TMEM108: variants seen among roughly 807,000 people sequenced by gnomAD.
TMEM108 encodes the protein cancer/testis antigen 124.
TMEM108 carries 12 observed loss-of-function variants against 35.1 expected under a neutral mutation model. The observed-to-expected ratio is 0.34, with a 90% confidence interval of 0.22 to 0.55. The LOEUF (loss-of-function observed/expected upper bound fraction) is 0.55. TMEM108 is among the 20% of genes least tolerant of loss of function. TMEM108 has a pLI of 0.89. For missense variants in TMEM108, 680 were observed against 753.3 expected, an observed-to-expected ratio of 0.90 and a Z score of 1.14; for synonymous variants, 287 against 308.6, an observed-to-expected ratio of 0.93 and a Z score of 0.73.
At chr3:133,250,968 C>G (rs1946460508) in intron 3 of TMEM108, among the ~76,000 whole-genome samples, 1 of 152,138 alleles carries the variant, frequency 6.6e-6, no homozygotes, top group Non-Finnish European at 1.5e-5. Context: ...AGCATGTTAT[C>G]AAGACAAGAA....
intron 2 of TMEM108, among the ~76,000 whole-genome samples, chr3:133,105,357 C>G (rs1197067004): frequency 6.6e-6 from 1 of 152,122 alleles, no homozygotes; most frequent in African/African-American, 2.4e-5. Context: ...TGGGTTGAGT[C>G]CTTCTCATGG....
At chr3:133,236,704 C>G (rs1271686823) in intron 3 of TMEM108, among the ~76,000 whole-genome samples, 1 of 152,102 alleles carries the variant, frequency 6.6e-6, no homozygotes, top group Non-Finnish European at 1.5e-5. Context: ...TACCAGCTAC[C>G]CAGTGACTAT....
At chr3:133,111,206 G>A (rs1177559968) in intron 2 of TMEM108, among the ~76,000 whole-genome samples, 4 of 152,254 alleles carry the variant, frequency 2.6e-5, no homozygotes, top group Non-Finnish European at 5.9e-5. Flanking sequence ...GTCTCCTATT[G>A]CCTTAGGAAC....
intron 2 of TMEM108, among the ~76,000 whole-genome samples, chr3:133,224,908 C>G (rs1946046371): frequency 6.6e-6 from 1 of 152,096 alleles, no homozygotes; most frequent in Non-Finnish European, 1.5e-5. Context: ...TCCTTAGGTC[C>G]CACCTGCTAC....
At chr3:133,372,891 A>G (rs750626500) in intron 3 of TMEM108, among the ~76,000 whole-genome samples, 7 of 152,242 alleles carry the variant, frequency 4.6e-5, no homozygotes, top group Non-Finnish European at 1.0e-4. Flanking sequence ...GTGAAGTCAC[A>G]GGCATGGATT....
chr3:133,361,140 T>G (rs2072336386), intron 3 of TMEM108, among the ~76,000 whole-genome samples: 1 of 152,210 alleles, frequency 6.6e-6, no homozygotes, highest in South Asian at 2.1e-4. Flanking sequence ...CTTGCAATCA[T>G]TTCTGCTTAT....
rs189007698 is a variant in TMEM108 at position 133,101,283 on chromosome 3, C to T, written c.-47+55263C>T. On this transcript the variant is annotated intron_variant, in intron 2 of 5. Coordinates refer to ENST00000321871, the MANE Select transcript of TMEM108 (RefSeq NM_023943.4). ...CTTGCCCAGTGCTGTGTGTATCAGG[C>T]GTTTTACTCTACAAATGATGTTCCC... Among the ~76,000 whole-genome samples the T allele has an allele frequency of 5.6e-4, 85 of 152,278 alleles. 1 individual carries two copies. The highest frequency in any genetic ancestry group is 5.0e-3 in the South Asian group (24 of 4,818).
chr3:133,381,739 C>T (rs2073018994), intron 4 of TMEM108, among the ~76,000 whole-genome samples: 1 of 148,694 alleles, frequency 6.7e-6, no homozygotes, highest in Non-Finnish European at 1.5e-5. Flanking sequence ...TCTCTCTTCT[C>T]CTAAGAAAGA....
chr3:133,220,236 G>A (rs1169010861), intron 2 of TMEM108, among the ~76,000 whole-genome samples: 2 of 151,786 alleles, frequency 1.3e-5, no homozygotes, highest in African/African-American at 4.8e-5. Context: ...TGAGTCTCTT[G>A]TAGGCAGTAT....
chr3:133,262,638 T>C (rs932425803), intron 3 of TMEM108, among the ~76,000 whole-genome samples: 6 of 152,234 alleles, frequency 3.9e-5, no homozygotes, highest in African/African-American at 1.4e-4. Flanking sequence ...GGCTACTAAC[T>C]GTCATTAGAG....
intron 2 of TMEM108, among the ~76,000 whole-genome samples, chr3:133,188,282 A>G (rs1945450897): frequency 6.6e-6 from 1 of 152,180 alleles, no homozygotes; most frequent in African/African-American, 2.4e-5. Flanking sequence ...TCCTCATATA[A>G]ATGATGAATG....
intron 2 of TMEM108, among the ~76,000 whole-genome samples, chr3:133,227,287 G>A (rs1946087588): frequency 6.8e-6 from 1 of 148,044 alleles, no homozygotes; most frequent in Non-Finnish European, 1.5e-5. Flanking sequence ...CCGCCCCCTG[G>A]GGTTCACGCC....
At chr3:133,040,405 A>G (rs1943261243) in intron 1 of TMEM108, among the ~76,000 whole-genome samples, 1 of 151,900 alleles carries the variant, frequency 6.6e-6, no homozygotes, top group South Asian at 2.1e-4. Context: ...GGGTTTCACC[A>G]GATTGGCCAG....
At chr3:133,197,710 A>AT (rs1945599629) in intron 2 of TMEM108, among the ~76,000 whole-genome samples, 1 of 152,154 alleles carries the variant, frequency 6.6e-6, no homozygotes, top group Non-Finnish European at 1.5e-5. Flanking sequence ...ATATGAGTTG[A>AT]AGGCTGTATG....
chr3:133,305,023 C>T (rs762072662), intron 3 of TMEM108, among the ~76,000 whole-genome samples: 1 of 152,018 alleles, frequency 6.6e-6, no homozygotes, highest in Non-Finnish European at 1.5e-5. Context: ...GCAGAGATTA[C>T]GGTAAGCCAA....
chr3:133,300,179 T>TG (rs1158757789), intron 3 of TMEM108, among the ~76,000 whole-genome samples: 21 of 151,912 alleles, frequency 1.4e-4, no homozygotes, highest in African/African-American at 1.9e-4. Context: ...GTGGCTGGTA[T>TG]GGGGGGGTGG....
At chr3:133,176,143 C>T (rs1945224374) in intron 2 of TMEM108, among the ~76,000 whole-genome samples, 1 of 152,148 alleles carries the variant, frequency 6.6e-6, no homozygotes, top group South Asian at 2.1e-4. Flanking sequence ...ACATATGCAC[C>T]CAATACAGGA....
At position 133,379,995 on chromosome 3, in the gene TMEM108, A is replaced by G; in HGVS notation, c.284A>G (p.His95Arg). The G allele has an allele frequency of 6.2e-7, 1 of 1,613,132 alleles. No homozygotes were observed. Among genetic ancestry groups the G allele is most frequent in the Non-Finnish European group, 8.5e-7 (1 of 1,179,764 alleles). The change falls in exon 4 of 6, where the codon CAC becomes CGC. Residue 95 changes from histidine (H) to arginine (R), a missense_variant. Transcript: ENST00000321871. ...TPRAEGHPPTHTISTIAATVT... is the reference protein window; with the variant it reads ...TPRAEGHPPTRTISTIAATVT... ...CGTGCAGAGGGGCACCCTCCTACGC[A>G]CACCATCTCCACCATCGCTGCGACA...
At chr3:133,060,405 T>C (rs1943522197) in intron 2 of TMEM108, among the ~76,000 whole-genome samples, 1 of 152,222 alleles carries the variant, frequency 6.6e-6, no homozygotes, top group African/African-American at 2.4e-5. Flanking sequence ...GGCTTATCCC[T>C]ATGAGTTTTG....
Sources: gnomAD v4.1 joint callset for allele counts (sites outside exome capture counted in the v4.1 genomes callset) on GRCh38, gnomAD v4.1.1 for gene constraint, MANE v1.5 for transcripts, NCBI Gene and HGNC (gene_info 2026-07-23, HGNC 2026-07-21) for gene names.